The following WDPCP variants were observed in gnomAD, a reference collection of about 807,000 sequenced individuals.
The protein encoded by WDPCP is WD repeat containing planar cell polarity effector, also known as WD repeat-containing and planar cell polarity effector protein fritz homolog.
WDPCP carries 71 observed loss-of-function variants against 93.1 expected under a neutral mutation model. The observed-to-expected ratio is 0.76, with a 90% CI of 0.63 to 0.93. The LOEUF (loss-of-function observed/expected upper bound fraction) is 0.93, where lower values mean the gene tolerates loss of function less well. Ranked by LOEUF, WDPCP falls within the 40% of genes least tolerant of loss-of-function variation. The probability of loss-of-function intolerance (pLI) is 0.00; values close to 1 mark genes in which losing one functional copy is unlikely to be tolerated. For synonymous variants in WDPCP, 315 were observed against 315.0 expected (o/e 1.00, Z 0.00); for missense variants, 844 against 887.4 (o/e 0.95, Z 0.62).
chr2:63,773,846 A>C (rs1274918102), intron 2 of WDPCP, among the ~76,000 whole-genome samples: 3 of 152,072 alleles, frequency 2.0e-5, no homozygotes, highest in Non-Finnish European at 4.4e-5. Flanking sequence ...AGTGTTGGAA[A>C]CTGATAAAAA....
At chr2:63,508,409 C>T (rs142329679) in intron 1 of WDPCP, among the ~76,000 whole-genome samples, 3 of 152,070 alleles carry the variant, frequency 2.0e-5, no homozygotes, top group Middle Eastern at 3.2e-3. Context: ...ACCACCAGGC[C>T]CACCTTACAA....
intron 2 of WDPCP, among the ~76,000 whole-genome samples, chr2:63,718,490 T>C (rs1669368861): frequency 6.6e-6 from 1 of 152,218 alleles, no homozygotes; most frequent in South Asian, 2.1e-4. Context: ...TTAATTTGCA[T>C]TTCTCTGATG....
At chr2:63,251,561 G>A (rs1333851186) in intron 14 of WDPCP, among the ~76,000 whole-genome samples, 2 of 142,984 alleles carry the variant, frequency 1.4e-5, no homozygotes, top group Non-Finnish European at 3.0e-5. Context: ...GCATGATCTC[G>A]GCTCACTGCA....
chr2:63,608,974 T>C (rs187496113), intron 3 of WDPCP, among the ~76,000 whole-genome samples: 5 of 152,322 alleles, frequency 3.3e-5, no homozygotes, highest in African/African-American at 1.2e-4. Context: ...GTACCAGTTG[T>C]TATTTTCTTT....
intron 2 of WDPCP, among the ~76,000 whole-genome samples, chr2:63,808,979 C>T (rs1053143949): frequency 2.3e-4 from 35 of 151,804 alleles, no homozygotes; most frequent in African/African-American, 8.5e-4. Context: ...ATGTGGGGAG[C>T]GCCTCTGCCC....
intron 3 of WDPCP, among the ~76,000 whole-genome samples, chr2:63,610,765 T>C (rs1167025991): frequency 6.6e-6 from 1 of 152,330 alleles, no homozygotes; most frequent in South Asian, 2.1e-4. Flanking sequence ...TTCTGCACTC[T>C]GTGTTTTTCC....
At chr2:63,138,083 T>C (rs1331881976) in intron 17 of WDPCP, among the ~76,000 whole-genome samples, 1 of 151,470 alleles carries the variant, frequency 6.6e-6, no homozygotes, top group Non-Finnish European at 1.5e-5. Flanking sequence ...TTTTTTTTTT[T>C]TTTTTGGTGC....
At chr2:63,162,265 T>C (rs1279766046) in intron 15 of WDPCP, among the ~76,000 whole-genome samples, 1 of 152,178 alleles carries the variant, frequency 6.6e-6, no homozygotes, top group East Asian at 1.9e-4. Context: ...CTTAATCACT[T>C]TTCTGAGGGA....
intron 14 of WDPCP, among the ~76,000 whole-genome samples, chr2:63,251,551 G>C (rs913840873): frequency 2.0e-5 from 3 of 147,772 alleles, no homozygotes; most frequent in African/African-American, 7.5e-5. Flanking sequence ...GAGTGCAGTG[G>C]CATGATCTCG....
intron 2 of WDPCP, among the ~76,000 whole-genome samples, chr2:63,705,211 A>G (rs578151884): frequency 2.6e-5 from 4 of 152,054 alleles, no homozygotes; most frequent in Non-Finnish European, 5.9e-5. Context: ...TAGTCTTGCT[A>G]GCAGTCTATC....
rs1195101119 is a variant in WDPCP at position 63,378,400 on chromosome 2, G to A, written c.1734C>T (p.Phe578=). The change falls in exon 12 of 18, where the codon TTC becomes TTT. Residue 578 remains phenylalanine, a synonymous_variant. Transcript: ENST00000272321. ...ATATCATTCACCTGAGCAAGTGATG[G>A]AAGAATCTCCTTGCATATTTGCTGA... The part of the protein sequence containing the change: ...DQISKYARRF[F]HHLLRYQRFE... The A allele has an allele frequency of 5.0e-6, 8 of 1,613,018 alleles. No homozygotes were observed. Among genetic ancestry groups the A allele is most frequent in the Non-Finnish European group, 6.8e-6 (8 of 1,179,340 alleles).
chr2:63,614,067 G>A (rs747996112), intron 3 of WDPCP, among the ~76,000 whole-genome samples: 14 of 152,224 alleles, frequency 9.2e-5, no homozygotes, highest in Admixed American at 2.6e-4. Flanking sequence ...AGTTCTGACC[G>A]TCACTATCCC....
At chr2:63,154,887 A>G (rs1319579813) in intron 15 of WDPCP, among the ~76,000 whole-genome samples, 1 of 152,162 alleles carries the variant, frequency 6.6e-6, no homozygotes, top group Non-Finnish European at 1.5e-5. Context: ...TTTTAATTTC[A>G]ATTTCCCAAA....
intron 3 of WDPCP, among the ~76,000 whole-genome samples, chr2:63,626,379 A>T (rs1457362641): frequency 6.6e-6 from 1 of 152,208 alleles, no homozygotes; most frequent in African/African-American, 2.4e-5. Context: ...AGCAAAATAA[A>T]TTATCATTAG....
rs1206027264 is a variant in WDPCP at position 63,316,315 on chromosome 2, TA to T, written c.1749-3005del. 3.3e-5 allele frequency among the ~76,000 whole-genome samples: 5 copies of T among 152,056 alleles called. No individual in the cohort carries two copies. The East Asian group carries it at 9.7e-4, about 29-fold the overall frequency. The stretch of plus-strand genomic sequence containing the variant: ...AACAATGTATATCAGGCAGGAGATA[TA>T]AAAAGGAAATTTAAAATATCCACAT... On this transcript the variant is annotated intron_variant, in intron 12 of 17. Coordinates refer to ENST00000272321, the MANE Select transcript of WDPCP (RefSeq NM_015910.7).
intron 13 of WDPCP, among the ~76,000 whole-genome samples, chr2:63,299,597 T>C (rs746070421): frequency 2.6e-5 from 4 of 152,208 alleles, no homozygotes; most frequent in Non-Finnish European, 1.5e-5. Context: ...TCATAGACTT[T>C]GGTTTCTGGA....
At chr2:63,717,969 A>G (rs111991628) in intron 2 of WDPCP, 5 of 152,392 alleles carry the variant, frequency 3.3e-5, no homozygotes, top group African/African-American at 1.2e-4. Flanking sequence ...AAGAAAGTGT[A>G]CTTTTTTTTT....
At chr2:63,522,572 C>T (rs1007059958) in intron 1 of WDPCP, among the ~76,000 whole-genome samples, 1 of 150,958 alleles carries the variant, frequency 6.6e-6, no homozygotes. Flanking sequence ...ACTAGCTAGA[C>T]TAATAAAGAA....
chr2:63,783,988 C>T (rs901193134), intron 2 of WDPCP, among the ~76,000 whole-genome samples: 13 of 152,272 alleles, frequency 8.5e-5, no homozygotes, highest in East Asian at 5.8e-4. Flanking sequence ...TCTCCAGCAC[C>T]GTTTCACATT....
Sources: allele counts gnomAD v4.1 joint callset (sites outside exome capture counted in the v4.1 genomes callset), GRCh38; gene constraint gnomAD v4.1.1; transcripts MANE v1.5; gene names NCBI Gene and HGNC (gene_info 2026-07-23, HGNC 2026-07-21).